Variants in BAZ2B observed in about 807,000 individuals in gnomAD.
BAZ2B encodes bromodomain adjacent to zinc finger domain 2B, also known as bromodomain adjacent to zinc finger domain protein 2B.
Under a neutral mutation model 246.0 loss-of-function variants are expected in BAZ2B, and 91 were observed. The observed-to-expected ratio is 0.37, with a 90% CI of 0.31 to 0.44. The LOEUF is 0.44. Ranked by LOEUF, BAZ2B falls within the 20% of genes least tolerant of loss-of-function variation. BAZ2B has a pLI of 1.00. For synonymous variants in BAZ2B, 855 were observed against 860.0 expected, an observed-to-expected ratio of 0.99 and a Z score of 0.10; for missense variants, 2,332 against 2,533.7, an observed-to-expected ratio of 0.92 and a Z score of 1.71.
chr2:159,627,192 A>G, the BAZ2B span, among the ~76,000 whole-genome samples: 1 of 152,174 alleles, frequency 6.6e-6, no homozygotes, highest in Non-Finnish European at 1.5e-5. Flanking sequence ...TACCACACAA[A>G]AAAAGTCCAG....
At chr2:159,400,235 C>G (rs3755432) in intron 17 of BAZ2B, among the ~76,000 whole-genome samples, 5 of 152,162 alleles carry the variant, frequency 3.3e-5, no homozygotes, top group African/African-American at 1.2e-4. Context: ...CTTTTGAAAT[C>G]TTACTTCTGT....
intron 1 of BAZ2B, among the ~76,000 whole-genome samples, chr2:159,564,823 C>T (rs946726444): frequency 5.9e-5 from 9 of 152,030 alleles, no homozygotes; most frequent in Non-Finnish European, 1.3e-4. Flanking sequence ...CAAATGCTGC[C>T]GGGAAAACAA....
At chr2:159,412,014 C>T in intron 14 of BAZ2B, 2 of 977,414 alleles carry the variant, frequency 2.0e-6, no homozygotes, top group Non-Finnish European at 2.4e-6. Context: ...ATGAGAATTT[C>T]CAGAAGGTTG....
chr2:159,533,231 G>A (rs1171867403), intron 2 of BAZ2B, among the ~76,000 whole-genome samples: 1 of 152,090 alleles, frequency 6.6e-6, no homozygotes, highest in Non-Finnish European at 1.5e-5. Context: ...TGTGGGAAAT[G>A]GTGAAACCAT....
intron 2 of BAZ2B, among the ~76,000 whole-genome samples, chr2:159,501,157 T>TATATTTTATATATATAATATATATA (rs540013079): frequency 3.2e-5 from 3 of 93,458 alleles, no homozygotes; most frequent in African/African-American, 1.3e-4. Context: ...ATAATATATA[T>TATATTTTATATATATAATATATATA]AAATATATAA....
At position 159,320,295 on chromosome 2, in the gene BAZ2B, T is replaced by A; in HGVS notation, c.6477A>T (p.Lys2159Asn). The part of the protein sequence containing the change: ...AGHNMRKYFE[K>N]KWTDTFKVS The stretch of plus-strand genomic sequence containing the variant: ...TCACTTTGAAAGTATCTGTCCACTT[T>A]TTTTCAAAATACTTCCTCATATTGT... Residue 2159 changes from lysine to asparagine, a missense_variant, in exon 37 of 37, where the codon AAA (lysine) becomes AAT (asparagine). Lys to Asn is a moderately conservative substitution (Grantham distance 94). Transcript: ENST00000392783. 1 of 1,563,922 alleles carries A rather than the reference T, an allele frequency of 6.4e-7. No homozygotes were observed. The highest frequency in any genetic ancestry group is 8.6e-7 in the Non-Finnish European group (1 of 1,167,130).
chr2:159,648,182 G>T, the BAZ2B span, among the ~76,000 whole-genome samples: 1 of 151,930 alleles, frequency 6.6e-6, no homozygotes, highest in Non-Finnish European at 1.5e-5. Flanking sequence ...CTGTCATCCA[G>T]GCTGGAATGC....
chr2:159,407,044 G>A (rs964865857), intron 14 of BAZ2B, among the ~76,000 whole-genome samples: 3 of 151,916 alleles, frequency 2.0e-5, no homozygotes, highest in Admixed American at 6.6e-5. Flanking sequence ...GTGAGCCAGC[G>A]TGCCCGGCCT....
Position 159,446,983 on chromosome 2 carries a change from A to G in BAZ2B, c.503-8T>C, listed in dbSNP as rs755851151. On this transcript the variant is annotated splice_region_variant and splice_polypyrimidine_tract_variant and intron_variant, in intron 5 of 36. Coordinates refer to ENST00000392783, the MANE Select transcript of BAZ2B (RefSeq NM_013450.4). ...TTATTGACCCATTTACACCTTGAAA[A>G]TAAAAATAAACATGTTTATACAATG... is the stretch of plus-strand genomic sequence containing the variant. 2 of 1,530,930 alleles carry G rather than the reference A, an allele frequency of 1.3e-6. No individual in the cohort carries two copies. The highest frequency in any genetic ancestry group is 1.3e-5 in the South Asian group (1 of 79,220). 94.8% of individuals were successfully genotyped at this position (1,530,930 alleles called of 1,614,324 possible).
In BAZ2B at chr2:159,394,083, C is replaced by G. The variant is rs994272543; in HGVS notation, c.3075+1686G>C. On this transcript the variant is annotated intron_variant, in intron 20 of 36. Coordinates refer to ENST00000392783, the MANE Select transcript of BAZ2B (RefSeq NM_013450.4). ...TATTTTAGTTAGCTTTCCTCCCTGC[C>G]AAGAAAAACCAGAATGGCAAGCCCT... is the stretch of plus-strand genomic sequence containing the variant. Among the ~76,000 whole-genome samples, 3 of 151,702 alleles carry G rather than the reference C, an allele frequency of 2.0e-5. No homozygotes were observed. In the South Asian group the frequency reaches 6.3e-4, roughly 32 times the overall value.
At chr2:159,633,914 A>G in the BAZ2B span, among the ~76,000 whole-genome samples, 1 of 151,738 alleles carries the variant, frequency 6.6e-6, no homozygotes, top group Non-Finnish European at 1.5e-5. Context: ...TGATTTTTGT[A>G]TATTTAGTAG....
intron 1 of BAZ2B, among the ~76,000 whole-genome samples, chr2:159,591,796 T>G (rs1009840533): frequency 5.3e-5 from 8 of 152,214 alleles, no homozygotes; most frequent in African/African-American, 1.9e-4. Context: ...AAGTAATGCT[T>G]TTTTAAAAAT....
chr2:159,375,359 G>A (rs1486482123), intron 25 of BAZ2B, among the ~76,000 whole-genome samples: 2 of 152,192 alleles, frequency 1.3e-5, no homozygotes, highest in Non-Finnish European at 2.9e-5. Flanking sequence ...GAGGCTTTAT[G>A]AAGAAGTCAT....
At chr2:159,504,150 T>C (rs2082097789) in intron 2 of BAZ2B, among the ~76,000 whole-genome samples, 2 of 151,900 alleles carry the variant, frequency 1.3e-5, no homozygotes, top group South Asian at 2.1e-4. Flanking sequence ...AATACTTCTT[T>C]ATTTTATTTT....
intron 13 of BAZ2B, among the ~76,000 whole-genome samples, 184 bp from the exon 14 acceptor site, chr2:159,412,729 C>A (rs2067018070): frequency 6.6e-6 from 1 of 152,088 alleles, no homozygotes; most frequent in Non-Finnish European, 1.5e-5. Context: ...TTTGGCATAG[C>A]TTTAATATTC....
intron 1 of BAZ2B, among the ~76,000 whole-genome samples, chr2:159,561,765 C>T (rs1389018456): frequency 6.6e-6 from 1 of 152,084 alleles, no homozygotes; most frequent in East Asian, 1.9e-4. Context: ...AAAAAGAAAA[C>T]CTCAATTCTA....
At chr2:159,632,176 T>C in the BAZ2B span, among the ~76,000 whole-genome samples, 8 of 152,350 alleles carry the variant, frequency 5.3e-5, no homozygotes, top group African/African-American at 9.6e-5. Context: ...ATCATTTGTA[T>C]GATCTTTCCC....
the BAZ2B span, among the ~76,000 whole-genome samples, chr2:159,675,677 C>G: frequency 6.6e-6 from 1 of 152,178 alleles, no homozygotes; most frequent in African/African-American, 2.4e-5. Context: ...CATATTTCCC[C>G]ATATATCATC....
chr2:159,609,269 AAG>A (rs1694191118), intron 1 of BAZ2B, among the ~76,000 whole-genome samples: 1 of 152,198 alleles, frequency 6.6e-6, no homozygotes, highest in African/African-American at 2.4e-5. Context: ...CAAAAAGCAA[AAG>A]AGACTCCTTA....
Sources: allele counts gnomAD v4.1 joint callset (sites outside exome capture counted in the v4.1 genomes callset), GRCh38; gene constraint gnomAD v4.1.1; transcripts MANE v1.5; gene names NCBI Gene and HGNC (gene_info 2026-07-23, HGNC 2026-07-21).